The following NFIB variants were observed in gnomAD, a reference collection of about 807,000 sequenced individuals.
NFIB encodes nuclear factor I B, also known as nuclear factor 1 B-type.
A neutral mutation model predicts 61.5 loss-of-function variants in NFIB; 11 were observed. That is an observed-to-expected ratio of 0.18 (90% CI 0.11 to 0.30). The LOEUF is 0.30. Among genes scored for constraint, NFIB ranks in the 10% least tolerant of loss-of-function variants. NFIB has a pLI of 1.00. For missense variants in NFIB, 471 were observed against 608.9 expected, an observed-to-expected ratio of 0.77 and a Z score of 2.38; for synonymous variants, 260 against 216.5, an observed-to-expected ratio of 1.20 and a Z score of -1.76.
intron 4 of NFIB, among the ~76,000 whole-genome samples, chr9:14,152,330 T>C (rs1355530339): frequency 6.6e-6 from 1 of 151,742 alleles, no homozygotes; most frequent in Non-Finnish European, 1.5e-5. Flanking sequence ...GCTATGTCTG[T>C]TGTGGCTTGA....
At chr9:14,500,327 G>C in the NFIB span, among the ~76,000 whole-genome samples, 3 of 152,190 alleles carry the variant, frequency 2.0e-5, no homozygotes, top group Admixed American at 1.3e-4. Context: ...GACTATTCCA[G>C]AAAGAGGCAA....
chr9:14,084,555 T>C lies in NFIB; in HGVS notation c.*3754A>G, dbSNP rs886301205. 1 of 227,470 alleles carries C rather than the reference T, an allele frequency of 4.4e-6. No individual in the cohort carries two copies. The highest frequency in any genetic ancestry group is 2.2e-5 in the African/African-American group (1 of 44,964). The allele number at this position is 227,470 out of a possible 1,614,324, so 14.1% of individuals were successfully genotyped here. ...GACAAGCCTCAAATGCTCACGTCAC[T>C]CCAGGGGTAACACGCTTCAGAGGCA... is the stretch of plus-strand genomic sequence containing the variant. On this transcript the variant is annotated 3_prime_UTR_variant, in exon 11 of 11. Coordinates refer to ENST00000380953, the MANE Select transcript of NFIB (RefSeq NM_001190737.2).
At chr9:14,427,873 T>G in the NFIB span, among the ~76,000 whole-genome samples, 25 of 148,490 alleles carry the variant, frequency 1.7e-4, no homozygotes, top group African/African-American at 5.9e-4. Flanking sequence ...TGGGGCAGTC[T>G]CTAAAATTCC....
chr9:14,505,968 C>T, the NFIB span, among the ~76,000 whole-genome samples: 1 of 152,136 alleles, frequency 6.6e-6, no homozygotes, highest in Non-Finnish European at 1.5e-5. Context: ...TTTCTATTAT[C>T]TCTACAGAAA....
At chr9:14,476,177 T>C in the NFIB span, among the ~76,000 whole-genome samples, 46 of 143,986 alleles carry the variant, frequency 3.2e-4, no homozygotes, top group African/African-American at 1.1e-3. Flanking sequence ...AGGAAAAATA[T>C]TTTTTTTTCT....
chr9:14,513,635 AAAAAG>A, the NFIB span, among the ~76,000 whole-genome samples: 3 of 143,588 alleles, frequency 2.1e-5, no homozygotes, highest in Non-Finnish European at 3.1e-5. Flanking sequence ...CTCAAAAAAA[AAAAAG>A]AAAAAGAAAA....
At chr9:14,365,965 C>G (rs1484730546) in intron 1 of NFIB, among the ~76,000 whole-genome samples, 32 of 152,138 alleles carry the variant, frequency 2.1e-4, no homozygotes, top group Admixed American at 2.1e-3. Context: ...ATCAGTTTCT[C>G]TATGTCAGGG....
chr9:14,138,560 A>T (rs2041331326), intron 6 of NFIB, among the ~76,000 whole-genome samples: 1 of 152,166 alleles, frequency 6.6e-6, no homozygotes, highest in Non-Finnish European at 1.5e-5. Flanking sequence ...GTAAAAAAAA[A>T]AAGTTCATTG....
chr9:14,426,189 A>G, the NFIB span, among the ~76,000 whole-genome samples: 3 of 15,960 alleles, frequency 1.9e-4, no homozygotes, highest in African/African-American at 3.6e-4. Context: ...GGCTTAAAGA[A>G]AAAAAATCAG....
the NFIB span, among the ~76,000 whole-genome samples, chr9:14,444,734 T>TA: frequency 6.6e-6 from 1 of 152,180 alleles, no homozygotes; most frequent in Non-Finnish European, 1.5e-5. Flanking sequence ...GTGAAATATG[T>TA]CAGAAGAATA....
intron 2 of NFIB, among the ~76,000 whole-genome samples, chr9:14,301,369 A>C (rs1260646552): frequency 2.0e-5 from 3 of 152,206 alleles, no homozygotes; most frequent in Non-Finnish European, 4.4e-5. Context: ...ATTGTGCACT[A>C]AATCTGTAAA....
chr9:14,283,879 T>C (rs760447309), intron 2 of NFIB, among the ~76,000 whole-genome samples: 1 of 152,180 alleles, frequency 6.6e-6, no homozygotes, highest in Non-Finnish European at 1.5e-5. Flanking sequence ...ATACAATTAT[T>C]TCTTTGTCTA....
intron 2 of NFIB, among the ~76,000 whole-genome samples, chr9:14,282,274 G>C (rs1375053303): frequency 1.3e-5 from 2 of 152,064 alleles, no homozygotes; most frequent in African/African-American, 4.8e-5. Context: ...TTTTGTAAAA[G>C]TCAGTCTTCT....
chr9:14,198,866 A>G (rs2048725694), intron 2 of NFIB, among the ~76,000 whole-genome samples: 1 of 152,262 alleles, frequency 6.6e-6, no homozygotes, highest in South Asian at 2.1e-4. Flanking sequence ...GCCAAAACCA[A>G]TCTCCACTTT....
the NFIB span, among the ~76,000 whole-genome samples, chr9:14,451,333 T>C: frequency 1.3e-5 from 2 of 152,258 alleles, no homozygotes; most frequent in East Asian, 3.8e-4. Context: ...TATTTCTTTC[T>C]TTTGAAATTT....
chr9:14,336,746 T>C (rs1021285220), intron 1 of NFIB, among the ~76,000 whole-genome samples: 2 of 151,980 alleles, frequency 1.3e-5, no homozygotes, highest in African/African-American at 4.8e-5. Flanking sequence ...AACACTTTAT[T>C]TATTTATTTA....
intron 1 of NFIB, among the ~76,000 whole-genome samples, chr9:14,344,376 T>C (rs1437395159): frequency 1.3e-5 from 2 of 149,756 alleles, no homozygotes; most frequent in East Asian, 4.0e-4. Flanking sequence ...AGGCAGTAAC[T>C]GCACTTGCTG....
intron 2 of NFIB, among the ~76,000 whole-genome samples, chr9:14,246,698 C>T (rs1344381617): frequency 6.6e-6 from 1 of 152,166 alleles, no homozygotes; most frequent in Non-Finnish European, 1.5e-5. Context: ...TATGCCAAAC[C>T]CTCTTATTTG....
intron 2 of NFIB, among the ~76,000 whole-genome samples, chr9:14,295,283 C>T (rs2059357552): frequency 6.6e-6 from 1 of 152,206 alleles, no homozygotes; most frequent in South Asian, 2.1e-4. Context: ...AAATATGATA[C>T]TTTCGGACTT....
Sources: gnomAD v4.1 joint callset for allele counts (sites outside exome capture counted in the v4.1 genomes callset) on GRCh38, gnomAD v4.1.1 for gene constraint, MANE v1.5 for transcripts, NCBI Gene and HGNC (gene_info 2026-07-23, HGNC 2026-07-21) for gene names.